AFF2: variants seen among roughly 807,000 people sequenced by gnomAD.
AFF2 encodes AF4/FMR2 family member 2.
AFF2 carries 14 observed loss-of-function variants against 76.9 expected under a neutral mutation model. The ratio of observed to expected loss-of-function variants is 0.18; its 90% confidence interval spans 0.12 to 0.28. AFF2 has a LOEUF of 0.28. Ranked by LOEUF, AFF2 falls within the 10% of genes least tolerant of loss-of-function variation. The pLI is 1.00. For missense variants in AFF2, 868 were observed against 1,001.1 expected (o/e 0.87, Z 1.79); for synonymous variants, 398 against 366.7 (o/e 1.09, Z -0.98).
At chrX:148,799,651 C>G (rs781954899) in intron 3 of AFF2, among the ~76,000 whole-genome samples, 94 of 112,192 alleles carry the variant, frequency 8.4e-4, no homozygotes, top group African/African-American at 3.0e-3. Context: ...ATAAAACATG[C>G]CATGACAGTT....
At chrX:148,951,342 A>G (rs1459451349) in intron 9 of AFF2, among the ~76,000 whole-genome samples, 2 of 110,145 alleles carry the variant, frequency 1.8e-5, no homozygotes, top group African/African-American at 6.6e-5. Context: ...TTTGTTTCTT[A>G]CAGAAGTTGC....
intron 18 of AFF2, 148 bp downstream of exon 18, chrX:148,978,603 C>A: frequency 2.3e-6 from 1 of 431,148 alleles, no homozygotes; most frequent in Non-Finnish European, 4.0e-6. Context: ...TCCTTAAGGG[C>A]TCAGCAAGGA....
intron 5 of AFF2, among the ~76,000 whole-genome samples, chrX:148,838,087 A>G (rs1011405499): frequency 8.9e-6 from 1 of 112,060 alleles, no homozygotes; most frequent in Admixed American, 9.5e-5. Flanking sequence ...GTACTCTTTA[A>G]TGAACTGATT....
intron 3 of AFF2, among the ~76,000 whole-genome samples, chrX:148,690,044 C>CA (rs2054635512): frequency 8.9e-6 from 1 of 112,049 alleles, no homozygotes; most frequent in Non-Finnish European, 1.9e-5. Context: ...CCAAAAGACT[C>CA]AGGTATTTTC....
intron 3 of AFF2, among the ~76,000 whole-genome samples, chrX:148,773,736 AAGAAAG>A (rs1385194936): frequency 1.1e-4 from 12 of 107,404 alleles, no homozygotes; most frequent in Admixed American, 6.0e-4. Flanking sequence ...GAAAGAAAGA[AAGAAAG>A]AAAGAGAAAG....
At chrX:148,706,335 G>T (rs1180070619) in intron 3 of AFF2, among the ~76,000 whole-genome samples, 1 of 112,326 alleles carries the variant, frequency 8.9e-6, no homozygotes, top group Non-Finnish European at 1.9e-5. Flanking sequence ...TGCATATGGA[G>T]CAATAGAATT....
rs1479191287 is a variant in AFF2, at chrX:148,581,078, T to C, written c.48-70921T>C. ...ATGTGTATATGTATATATACACACA[T>C]ATATACATATGTGTATATGTATATA... On this transcript the variant is annotated intron_variant, in intron 1 of 20. Transcript: ENST00000370460. Among the ~76,000 whole-genome samples, 173 of 101,925 alleles carry C rather than the reference T, an allele frequency of 1.7e-3. 16 individuals are homozygous for C. Among genetic ancestry groups the C allele is most frequent in the African/African-American group, 5.8e-3 (158 of 27,446 alleles). The allele number at this position is 101,925 out of a possible 115,157, so 88.5% of individuals were successfully genotyped here.
At chrX:148,804,195 A>C (rs891303284) in intron 3 of AFF2, among the ~76,000 whole-genome samples, 1 of 111,833 alleles carries the variant, frequency 8.9e-6, no homozygotes, top group Non-Finnish European at 1.9e-5. Context: ...CAAAAATCCT[A>C]GAAGTGGATT....
At chrX:148,726,163 T>G (rs1349938690) in intron 3 of AFF2, among the ~76,000 whole-genome samples, 1 of 112,259 alleles carries the variant, frequency 8.9e-6, no homozygotes, top group Admixed American at 9.4e-5. Flanking sequence ...AGGCTTCCTA[T>G]GCTCTATCCC....
At chrX:148,610,195 C>T (rs782767724) in intron 1 of AFF2, among the ~76,000 whole-genome samples, 2 of 111,213 alleles carry the variant, frequency 1.8e-5, no homozygotes, top group African/African-American at 6.5e-5. Context: ...TTGTTATTAT[C>T]GCTGTAGTTC....
At chrX:148,878,126 G>T (rs1437048736) in intron 7 of AFF2, among the ~76,000 whole-genome samples, 1 of 111,687 alleles carries the variant, frequency 9.0e-6, no homozygotes, top group South Asian at 3.8e-4. Flanking sequence ...TCTCCAAAGA[G>T]AATGCTGAGT....
At chrX:148,761,458 G>GTTT (rs201228384) in intron 3 of AFF2, among the ~76,000 whole-genome samples, 1 of 83,732 alleles carries the variant, frequency 1.2e-5, no homozygotes, top group Non-Finnish European at 2.2e-5. Context: ...CTGTCCTCCA[G>GTTT]TTTTTTTTGT....
intron 7 of AFF2, among the ~76,000 whole-genome samples, chrX:148,856,814 T>C (rs894760827): frequency 9.8e-5 from 11 of 112,781 alleles, no homozygotes; most frequent in Middle Eastern, 4.6e-3. Context: ...CAAATTCTTT[T>C]CTTTATTCCC....
At chrX:148,843,240 T>TC (rs1366372171) in intron 6 of AFF2, 142 bp from the exon 7 acceptor site, 5 of 519,339 alleles carry the variant, frequency 9.6e-6, no homozygotes, top group Non-Finnish European at 3.1e-6. Flanking sequence ...TCTAACTGGT[T>TC]CCCCCCCTTT....
chrX:148,941,162 T>C (rs1406340498), intron 9 of AFF2, among the ~76,000 whole-genome samples: 1 of 111,448 alleles, frequency 9.0e-6, no homozygotes, highest in East Asian at 2.8e-4. Context: ...GTCTTTGTGA[T>C]TTATAGTAAA....
At chrX:148,798,029 C>T (rs1557270664) in intron 3 of AFF2, among the ~76,000 whole-genome samples, 1 of 112,074 alleles carries the variant, frequency 8.9e-6, no homozygotes, top group Non-Finnish European at 1.9e-5. Context: ...TTATAATGAA[C>T]AGAAATTTAT....
chrX:148,599,439 A>G (rs183131734), intron 1 of AFF2, among the ~76,000 whole-genome samples: 2 of 111,210 alleles, frequency 1.8e-5, no homozygotes, highest in Non-Finnish European at 3.8e-5. Flanking sequence ...ATCAGTCCAA[A>G]CATTTGACTT....
chrX:148,891,843 A>C (rs1012736178), intron 8 of AFF2, among the ~76,000 whole-genome samples: 6 of 111,914 alleles, frequency 5.4e-5, no homozygotes, highest in African/African-American at 1.9e-4. Context: ...GTCTTGTTAG[A>C]AACTTCCTTT....
chrX:148,959,168 C>T (rs1569557701), intron 12 of AFF2, among the ~76,000 whole-genome samples: 2 of 111,273 alleles, frequency 1.8e-5, no homozygotes, highest in African/African-American at 6.6e-5. Flanking sequence ...CAGGAGGCCT[C>T]CTGGCACCTC....
Sources: gnomAD v4.1 joint callset for allele counts (sites outside exome capture counted in the v4.1 genomes callset) on GRCh38, gnomAD v4.1.1 for gene constraint, MANE v1.5 for transcripts, NCBI Gene and HGNC (gene_info 2026-07-23, HGNC 2026-07-21) for gene names.